The following AKAP10 variants were observed in gnomAD, a reference collection of about 807,000 sequenced individuals.
AKAP10 encodes A-kinase anchoring protein 10, also known as A-kinase anchor protein 10, mitochondrial.
In AKAP10, 24 loss-of-function variants were observed where a neutral mutation model predicts 80.8. The ratio of observed to expected loss-of-function variants is 0.30; its 90% CI spans 0.22 to 0.42. AKAP10 has a LOEUF of 0.42. Among genes scored for constraint, AKAP10 ranks in the 10% least tolerant of loss-of-function variants. The pLI is 1.00. For missense variants in AKAP10, 661 were observed against 794.9 expected, an observed-to-expected ratio of 0.83 and a Z score of 2.03; for synonymous variants, 291 against 277.7, an observed-to-expected ratio of 1.05 and a Z score of -0.48.
Position 19,958,266 on chromosome 17 carries a change from C to T in AKAP10, c.625G>A (p.Asp209Asn), listed in dbSNP as rs1223468855. The T allele has an allele frequency of 6.2e-7, 1 of 1,614,068 alleles. No homozygotes were observed. Among genetic ancestry groups the T allele is most frequent in the Non-Finnish European group, 8.5e-7 (1 of 1,180,040 alleles). The change falls in exon 4 of 15, where the codon GAT becomes AAT. Residue 209 changes from aspartate to asparagine, a missense_variant. Physicochemically the swap from Asp to Asn is conservative, Grantham distance 23. Coordinates refer to ENST00000225737, the MANE Select transcript of AKAP10 (RefSeq NM_007202.4). ...ATAAACAACTGTGCTGAGCCAGAAT[C>T]CTCCAATCTCTTATCAAGAGAATCA... is the stretch of plus-strand genomic sequence containing the variant. ...LTDSLDKRLEDSGSAQLFMTH... is the reference protein window; with the variant it reads ...LTDSLDKRLENSGSAQLFMTH...
At chr17:19,909,411 G>T in intron 13 of AKAP10, 135 bp from the exon 14 acceptor site, 1 of 765,216 alleles carries the variant, frequency 1.3e-6, no homozygotes, top group Non-Finnish European at 2.0e-6. Context: ...TCCCATGTAC[G>T]AAAAAACCTG....
At position 19,911,221 on chromosome 17, in the gene AKAP10, G is replaced by A. The variant is rs918879447; in HGVS notation, c.1835-1243C>T. Among the ~76,000 whole-genome samples, 10 of 152,058 alleles carry A rather than the reference G, an allele frequency of 6.6e-5. No homozygotes were observed. The East Asian group carries it at 7.7e-4, about 12-fold the overall frequency. ...TCAACTGGCTGTTGAATCACCCCATGCACTGTTCTCTCGTCAGGCCCCCCT... is the reference window on the plus strand; with the variant it reads ...TCAACTGGCTGTTGAATCACCCCATACACTGTTCTCTCGTCAGGCCCCCCT... On this transcript the variant is annotated intron_variant, in intron 12 of 14. Transcript: ENST00000225737.
rs1415054877 is a variant in AKAP10, at chr17:19,905,423, A to ATT, written c.*802_*803dup. The ATT allele has an allele frequency of 6.6e-6, 1 of 152,108 alleles. No individual in the cohort carries two copies. The highest frequency in any genetic ancestry group is 1.5e-5 in the Non-Finnish European group (1 of 68,008). 9.4% of individuals were successfully genotyped at this position (152,108 alleles called of 1,614,324 possible). A position where few individuals can be genotyped will look rare whatever the true frequency, so the allele number is the denominator to read the frequency against. ...CAGGGGCAAAAGTGGAGTCATCGCT[A>ATT]TTTCTTTCTTTCTTTCCACATGTAT... On this transcript the variant is annotated 3_prime_UTR_variant, in exon 15 of 15. Transcript: ENST00000225737.
At chr17:19,960,300 C>G (rs2043333022) in intron 3 of AKAP10, among the ~76,000 whole-genome samples, 1 of 152,230 alleles carries the variant, frequency 6.6e-6, no homozygotes, top group African/African-American at 2.4e-5. Flanking sequence ...GATACAACTT[C>G]AACATCACAA....
intron 13 of AKAP10, 126 bp downstream of exon 13, chr17:19,909,800 T>C (rs2042669536): frequency 1.3e-6 from 1 of 755,792 alleles, no homozygotes; most frequent in Non-Finnish European, 2.1e-6. Context: ...ACATTCTGGG[T>C]AAGAGAACAT....
At chr17:19,945,287 T>G (rs1185293617) in intron 5 of AKAP10, among the ~76,000 whole-genome samples, 1 of 152,152 alleles carries the variant, frequency 6.6e-6, no homozygotes, top group Admixed American at 6.5e-5. Flanking sequence ...AACTGCTTCC[T>G]TTTTATCCAC....
In AKAP10 at chr17:19,909,941, T is replaced by C; in HGVS notation, c.1872A>G (p.Gln624=). The C allele has an allele frequency of 1.2e-6, 2 of 1,613,964 alleles. No homozygotes were observed. The highest frequency in any genetic ancestry group is 1.7e-6 in the Non-Finnish European group (2 of 1,179,942). The change falls in exon 13 of 15, where the codon CAA becomes CAG. Residue 624 remains glutamine, a synonymous_variant. Transcript: ENST00000225737. ...TAGGATTTACCTCATCAGTATTTCCTTGCACCCATTTCTTCATAGCTTGTG... is the reference window on the plus strand; with the variant it reads ...TAGGATTTACCTCATCAGTATTTCCCTGCACCCATTTCTTCATAGCTTGTG... ...MFSQAMKKWV[Q]GNTDEAQEEL...
At chr17:19,934,579 A>AT (rs1302263779) in intron 9 of AKAP10, among the ~76,000 whole-genome samples, 1 of 152,174 alleles carries the variant, frequency 6.6e-6, no homozygotes, top group African/African-American at 2.4e-5. Context: ...AGTAGTTAAC[A>AT]TTTTTTGATG....
Position 19,977,638 on chromosome 17 carries a change from G to A in AKAP10, c.42C>T (p.Thr14=). ...TGGCGGGGCCCGGGTCGGGACGGAG[G>A]GTGCGGGGGGACTGGCGCGGGGAGG... ...AGPSPRQSPR[T]LRPDPGPAMS... is the part of the protein sequence containing the mutation. Residue 14 remains threonine (T), a synonymous_variant, in exon 1 of 15, where the codon ACC becomes ACT. Coordinates refer to ENST00000225737, the MANE Select transcript of AKAP10 (RefSeq NM_007202.4). The A allele has an allele frequency of 8.1e-7, 1 of 1,235,458 alleles. No homozygotes were observed. The highest frequency in any genetic ancestry group is 1.0e-6 in the Non-Finnish European group (1 of 987,988). 76.5% of individuals were successfully genotyped at this position (1,235,458 alleles called of 1,614,324 possible).
At position 19,935,780 on chromosome 17, in the gene AKAP10, T is replaced by C. The variant is rs147785950; in HGVS notation, c.1467+506A>G. Reference sequence around the variant, plus strand: ...TAACACGCATGGAGCCGTCATCTCCTTTGATAACAATGCCTCCTTCTGGAA... The same window carrying C: ...TAACACGCATGGAGCCGTCATCTCCCTTGATAACAATGCCTCCTTCTGGAA... On this transcript the variant is annotated intron_variant, in intron 9 of 14. Coordinates refer to ENST00000225737, the MANE Select transcript of AKAP10 (RefSeq NM_007202.4). 5.4e-4 allele frequency among the ~76,000 whole-genome samples: 82 copies of C among 152,274 alleles called. No individual in the cohort carries two copies. In the East Asian group the frequency reaches 0.016, roughly 29 times the overall value.
intron 3 of AKAP10, among the ~76,000 whole-genome samples, chr17:19,962,242 A>T (rs1597526218): frequency 6.6e-6 from 1 of 152,266 alleles, no homozygotes; most frequent in African/African-American, 2.4e-5. Context: ...CACAAACAAT[A>T]CTATAATGAA....
At chr17:19,913,830 C>CA (rs1724546489) in intron 12 of AKAP10, among the ~76,000 whole-genome samples, 1 of 152,032 alleles carries the variant, frequency 6.6e-6, no homozygotes, top group African/African-American at 2.4e-5. Context: ...TCTTACCACT[C>CA]AGATAATCCC....
intron 12 of AKAP10, 34 bp from the exon 13 acceptor site, chr17:19,910,012 C>A (rs772698072): frequency 1.8e-5 from 29 of 1,599,478 alleles, no homozygotes; most frequent in Non-Finnish European, 8.6e-6. Context: ...ATGTACATTT[C>A]ATGCATAATT....
chr17:19,974,331 G>A lies in AKAP10; in HGVS notation c.88+3261C>T, dbSNP rs560607556. On this transcript the variant is annotated intron_variant, in intron 1 of 14. Transcript: ENST00000225737. ...ACTGGATTAAGCTTGTCCATCCCGC[G>A]GCCCAGGATGGCTCTGAATGTGCCC... Among the ~76,000 whole-genome samples, 6 of 152,254 alleles carry A rather than the reference G, an allele frequency of 3.9e-5. No homozygotes were observed. In the East Asian group the frequency reaches 9.6e-4, roughly 24 times the overall value.
At chr17:19,929,156 C>T (rs1462512751) in intron 10 of AKAP10, among the ~76,000 whole-genome samples, 1 of 152,042 alleles carries the variant, frequency 6.6e-6, no homozygotes, top group African/African-American at 2.4e-5. Context: ...ATAAGCAAAT[C>T]TATTGTCTCT....
chr17:19,929,087 A>G (rs1306417672), intron 10 of AKAP10, among the ~76,000 whole-genome samples: 1 of 152,236 alleles, frequency 6.6e-6, no homozygotes, highest in South Asian at 2.1e-4. Context: ...GCTAAGTGAA[A>G]GACAGTTGGC....
rs1414379171 is a variant in AKAP10, at chr17:19,905,281, C to A, written c.*946G>T. 3 of 151,476 alleles carry A rather than the reference C, an allele frequency of 2.0e-5. No homozygotes were observed. Among genetic ancestry groups the A allele is most frequent in the Non-Finnish European group, 4.4e-5 (3 of 67,968 alleles). 9.4% of individuals were successfully genotyped at this position (151,476 alleles called of 1,614,324 possible). On this transcript the variant is annotated 3_prime_UTR_variant, in exon 15 of 15. Transcript: ENST00000225737. ...CAACTGCACACTTTCCAGCTCACAG[C>A]AAAGAATGGGGGAGGCAGTCAAAGT...
intron 2 of AKAP10, among the ~76,000 whole-genome samples, chr17:19,963,767 G>T (rs1428956487): frequency 1.3e-5 from 2 of 152,030 alleles, no homozygotes; most frequent in Non-Finnish European, 2.9e-5. Context: ...GTGGGGGCAG[G>T]TGCCTGTAAT....
chr17:19,917,872 A>AAGATCATGCCACTGCACTCC lies in AKAP10; in HGVS notation c.1834+2163_1834+2164insGGAGTGCAGTGGCATGATCT, dbSNP rs1597490743. Among the ~76,000 whole-genome samples the AAGATCATGCCACTGCACTCC allele has an allele frequency of 4.6e-5, 7 of 150,770 alleles. No individual in the cohort carries two copies. The East Asian group carries it at 1.5e-3, about 32-fold the overall frequency. The stretch of plus-strand genomic sequence containing the variant: ...TGGGGGGCAGAGGTTGCAGTGAGCC[A>AAGATCATGCCACTGCACTCC]AGCCTGGCGACAGAGCTAGACTCTG... On this transcript the variant is annotated intron_variant, in intron 12 of 14. Transcript: ENST00000225737.
Sources: allele counts gnomAD v4.1 joint callset (sites outside exome capture counted in the v4.1 genomes callset), GRCh38; gene constraint gnomAD v4.1.1; transcripts MANE v1.5; gene names NCBI Gene and HGNC (gene_info 2026-07-23, HGNC 2026-07-21).